SNTG2: variants seen among roughly 807,000 people sequenced by gnomAD.
SNTG2 encodes syntrophin gamma 2.
In SNTG2, 74 loss-of-function variants were observed where a neutral mutation model predicts 70.9. The ratio of observed to expected loss-of-function variants is 1.04; its 90% CI spans 0.86 to 1.27. The LOEUF is 1.27. Among genes scored for constraint, SNTG2 ranks in the 50% most tolerant of loss-of-function variants. SNTG2 has a pLI of 0.00. For missense variants in SNTG2, 717 were observed against 690.7 expected, an observed-to-expected ratio of 1.04 and a Z score of -0.43; for synonymous variants, 278 against 273.8, an observed-to-expected ratio of 1.02 and a Z score of -0.15.
chr2:953,989 G>A (rs1660062900), intron 1 of SNTG2, among the ~76,000 whole-genome samples: 1 of 151,884 alleles, frequency 6.6e-6, no homozygotes, highest in Non-Finnish European at 1.5e-5. Context: ...GTGACAGAGG[G>A]TGTGTTTGCA....
chr2:1,137,417 C>G (rs1224572961), intron 4 of SNTG2, among the ~76,000 whole-genome samples: 2 of 151,974 alleles, frequency 1.3e-5, no homozygotes, highest in Non-Finnish European at 2.9e-5. Flanking sequence ...GCATGCCACC[C>G]ACACCCACAC....
intron 14 of SNTG2, among the ~76,000 whole-genome samples, chr2:1,276,839 A>C (rs568683986): frequency 3.9e-5 from 6 of 152,358 alleles, no homozygotes; most frequent in African/African-American, 7.2e-5. Flanking sequence ...TCATGGGAGG[A>C]CATCAGAGTA....
chr2:1,307,966 T>G (rs1558194813), intron 14 of SNTG2, among the ~76,000 whole-genome samples: 1 of 152,150 alleles, frequency 6.6e-6, no homozygotes, highest in African/African-American at 2.4e-5. Flanking sequence ...GTGTGACCGA[T>G]GTAGTTTTTG....
intron 12 of SNTG2, among the ~76,000 whole-genome samples, chr2:1,248,330 T>TA (rs1677558375): frequency 6.6e-6 from 1 of 152,192 alleles, no homozygotes; most frequent in South Asian, 2.1e-4. Flanking sequence ...TTACACAACT[T>TA]ACGTGGCCAT....
chr2:1,006,430 G>A (rs949759127), intron 1 of SNTG2, among the ~76,000 whole-genome samples: 7 of 150,560 alleles, frequency 4.6e-5, no homozygotes, highest in African/African-American at 1.5e-4. Flanking sequence ...CTATTAATAC[G>A]TATTTGGATG....
At chr2:951,415 C>G (rs1037872887) in intron 1 of SNTG2, among the ~76,000 whole-genome samples, 1 of 152,210 alleles carries the variant, frequency 6.6e-6, no homozygotes, top group Non-Finnish European at 1.5e-5. Flanking sequence ...GCATTGCTTC[C>G]CAGGAGCGGC....
At chr2:957,288 T>A (rs1660196762) in intron 1 of SNTG2, among the ~76,000 whole-genome samples, 1 of 152,068 alleles carries the variant, frequency 6.6e-6, no homozygotes. Context: ...TTGTATTACC[T>A]CCTCAGAAAC....
intron 1 of SNTG2, among the ~76,000 whole-genome samples, chr2:964,587 A>G (rs1318009003): frequency 6.6e-6 from 1 of 152,140 alleles, no homozygotes; most frequent in Non-Finnish European, 1.5e-5. Flanking sequence ...GCCCTGAGGG[A>G]TGAGGCCTTG....
intron 1 of SNTG2, among the ~76,000 whole-genome samples, chr2:998,398 C>T (rs761522757): frequency 6.6e-6 from 1 of 150,446 alleles, no homozygotes; most frequent in African/African-American, 2.4e-5. Flanking sequence ...AGAAAGAAAT[C>T]GGAAAAAAAT....
chr2:1,197,465 A>G (rs981153209), intron 8 of SNTG2, among the ~76,000 whole-genome samples: 1 of 139,738 alleles, frequency 7.2e-6, no homozygotes, highest in African/African-American at 2.7e-5. Context: ...GAGCATGCAT[A>G]TATATATGTG....
At chr2:973,933 C>T (rs1273171988) in intron 1 of SNTG2, among the ~76,000 whole-genome samples, 4 of 152,160 alleles carry the variant, frequency 2.6e-5, no homozygotes, top group Non-Finnish European at 5.9e-5. Context: ...TTTCATTAAA[C>T]TCGTCTCTTA....
At chr2:1,042,589 T>A (rs1661501618) in intron 1 of SNTG2, among the ~76,000 whole-genome samples, 1 of 152,216 alleles carries the variant, frequency 6.6e-6, no homozygotes, top group Non-Finnish European at 1.5e-5. Context: ...TACTCAGTAT[T>A]TAGCTCCCAC....
chr2:1,209,336 A>C, intron 9 of SNTG2, 106 bp downstream of exon 9: 1 of 1,341,660 alleles, frequency 7.5e-7, no homozygotes, highest in African/African-American at 1.4e-5. Flanking sequence ...TGACATTAGC[A>C]AGTGTGCGTG....
At chr2:1,249,936 G>A (rs927966559) in intron 12 of SNTG2, among the ~76,000 whole-genome samples, 1 of 152,168 alleles carries the variant, frequency 6.6e-6, no homozygotes, top group African/African-American at 2.4e-5. Flanking sequence ...TTTCCTGGGG[G>A]TCTGAAACCA....
intron 8 of SNTG2, among the ~76,000 whole-genome samples, chr2:1,173,586 C>T (rs1451993917): frequency 6.6e-6 from 1 of 152,276 alleles, no homozygotes; most frequent in Non-Finnish European, 1.5e-5. Flanking sequence ...GAGTTTTAAT[C>T]ACATTCTAAA....
chr2:1,250,929 G>T (rs948519183), intron 12 of SNTG2, among the ~76,000 whole-genome samples: 1 of 152,056 alleles, frequency 6.6e-6, no homozygotes, highest in Non-Finnish European at 1.5e-5. Flanking sequence ...CATACACTCC[G>T]GAACATTCCT....
At chr2:1,065,075 C>G (rs980918395) in intron 1 of SNTG2, among the ~76,000 whole-genome samples, 4 of 152,056 alleles carry the variant, frequency 2.6e-5, no homozygotes, top group African/African-American at 7.2e-5. Flanking sequence ...TCACTCTGTC[C>G]GTTGGTTACA....
intron 14 of SNTG2, among the ~76,000 whole-genome samples, chr2:1,283,133 G>A (rs1241596900): frequency 1.3e-5 from 2 of 152,102 alleles, no homozygotes; most frequent in Non-Finnish European, 2.9e-5. Flanking sequence ...CAAAGCCGCC[G>A]TGGCCTGCTC....
intron 1 of SNTG2, among the ~76,000 whole-genome samples, chr2:973,327 G>A (rs1660805352): frequency 6.6e-6 from 1 of 152,130 alleles, no homozygotes; most frequent in Non-Finnish European, 1.5e-5. Flanking sequence ...TTTTTGCTGA[G>A]TATGGATTTC....
Sources: gnomAD v4.1 joint callset for allele counts (sites outside exome capture counted in the v4.1 genomes callset) on GRCh38, gnomAD v4.1.1 for gene constraint, MANE v1.5 for transcripts, NCBI Gene and HGNC (gene_info 2026-07-23, HGNC 2026-07-21) for gene names.